CPAMD8: variants seen among roughly 807,000 people sequenced by gnomAD.
CPAMD8 encodes C3 and PZP-like alpha-2-macroglobulin domain-containing protein 8.
In CPAMD8, 146 loss-of-function variants were observed where a neutral mutation model predicts 224.7. The ratio of observed to expected loss-of-function variants is 0.65; its 90% confidence interval spans 0.57 to 0.75. The LOEUF (loss-of-function observed/expected upper bound fraction) is 0.75. Ranked by LOEUF, CPAMD8 falls within the 30% of genes least tolerant of loss-of-function variation. The pLI is 0.00. For synonymous variants in CPAMD8, 966 were observed against 1,044.6 expected (o/e 0.92, Z 1.45); for missense variants, 2,301 against 2,537.5 (o/e 0.91, Z 2.00).
At position 16,899,615 on chromosome 19, in the gene CPAMD8, G is replaced by A. The variant is rs998193391; in HGVS notation, c.4774-66C>T. 1.2e-6 allele frequency: 1 copy of A among 819,778 alleles called. No homozygotes were observed. Among genetic ancestry groups the A allele is most frequent in the South Asian group, 1.3e-5 (1 of 74,616 alleles). 50.8% of individuals were successfully genotyped at this position (819,778 alleles called of 1,614,324 possible). A position where few individuals can be genotyped will look rare whatever the true frequency, so the allele number is the denominator to read the frequency against. On this transcript the variant is annotated intron_variant, in intron 36 of 41. Transcript: ENST00000443236. The surrounding 1 kb of genome is among the most constrained non-coding windows in gnomAD (Gnocchi z 5.4). ...CTTGCTTCCTCTCCCATCCCCTGGG[G>A]GCAGTGGTCAGTGGGATGCTTGGAC...
At chr19:16,901,090 AAAG>A in intron 36 of CPAMD8, 117 bp downstream of exon 36, 1 of 615,800 alleles carries the variant, frequency 1.6e-6, no homozygotes, top group South Asian at 2.1e-5. Context: ...AGAGGGAAGA[AAAG>A]AATACCCATA....
At chr19:17,024,718 G>A (rs1184185050) in intron 1 of CPAMD8, among the ~76,000 whole-genome samples, 2 of 152,212 alleles carry the variant, frequency 1.3e-5, no homozygotes, top group African/African-American at 4.8e-5. Flanking sequence ...GCCATTCACT[G>A]TCACACCTGA....
At chr19:16,979,000 TCATC>T (rs949668205) in intron 14 of CPAMD8, among the ~76,000 whole-genome samples, 2 of 146,666 alleles carry the variant, frequency 1.4e-5, no homozygotes, top group African/African-American at 5.2e-5. Flanking sequence ...ATCCATCTGT[TCATC>T]CATCCATCTG....
intron 25 of CPAMD8, among the ~76,000 whole-genome samples, chr19:16,925,656 T>C (rs2053333273): frequency 6.6e-6 from 1 of 152,244 alleles, no homozygotes; most frequent in African/African-American, 2.4e-5. Context: ...AATAGGTGCA[T>C]TGAAAGCTAT....
At chr19:16,982,815 G>A (rs540929916) in intron 13 of CPAMD8, among the ~76,000 whole-genome samples, 6 of 152,202 alleles carry the variant, frequency 3.9e-5, no homozygotes, top group South Asian at 2.1e-4. Context: ...CTCCAGCCTC[G>A]GGTGCTATGG....
chr19:16,922,819 C>T (rs1355564240), intron 26 of CPAMD8, among the ~76,000 whole-genome samples: 1 of 152,090 alleles, frequency 6.6e-6, no homozygotes, highest in African/African-American at 2.4e-5. Context: ...CACATCACAT[C>T]GGGGATCCCT....
In CPAMD8 at chr19:16,916,889, C is replaced by T. The variant is rs2144857087; in HGVS notation, c.3630-2076G>A. On this transcript the variant is annotated intron_variant, in intron 27 of 41. Transcript: ENST00000443236. ...ATTAGCCAGGAGACCCCATGGCTCC[C>T]AGGCTCATCCCCACCCCATTACCAG... is the stretch of plus-strand genomic sequence containing the variant. Among the ~76,000 whole-genome samples the T allele has an allele frequency of 1.3e-5, 2 of 152,322 alleles. 1 individual carries two copies. The highest frequency in any genetic ancestry group is 3.9e-4 in the East Asian group (2 of 5,188).
chr19:16,921,583 G>A (rs572840044), intron 27 of CPAMD8, among the ~76,000 whole-genome samples: 2 of 152,106 alleles, frequency 1.3e-5, no homozygotes, highest in South Asian at 2.1e-4. Context: ...TCCAGTCACC[G>A]CTATTCCTGA....
chr19:16,904,138 G>T, intron 32 of CPAMD8, 88 bp downstream of exon 32: 1 of 1,404,576 alleles, frequency 7.1e-7, no homozygotes, highest in East Asian at 2.5e-5. Flanking sequence ...GGGCCAGACT[G>T]CCTGGCCACC....
chr19:16,895,909 A>G (rs776779894), intron 41 of CPAMD8: 16 of 570,658 alleles, frequency 2.8e-5, no homozygotes, highest in East Asian at 6.9e-5. Context: ...GCACGCACAC[A>G]CACACACACA....
intron 13 of CPAMD8, among the ~76,000 whole-genome samples, chr19:16,986,212 G>C (rs1268116009): frequency 6.6e-6 from 1 of 152,032 alleles, no homozygotes; most frequent in South Asian, 2.1e-4. Flanking sequence ...AGAGGAAGAG[G>C]TCCCTGCACC....
chr19:17,026,797 C>T lies in CPAMD8; in HGVS notation c.-155G>A, dbSNP rs1265466483. On this transcript the variant is annotated 5_prime_UTR_variant, in exon 1 of 42. Coordinates refer to ENST00000443236, the MANE Select transcript of CPAMD8 (RefSeq NM_015692.5). Reference sequence around the variant, plus strand: ...GCCCGGCGCCATGCGCCCCGCTCCGCGCCCGGCCAAGCTGGGGCAGCCCCG... The same window carrying T: ...GCCCGGCGCCATGCGCCCCGCTCCGTGCCCGGCCAAGCTGGGGCAGCCCCG... 4.6e-6 allele frequency: 5 copies of T among 1,089,976 alleles called. No homozygotes were observed. The highest frequency in any genetic ancestry group is 5.6e-6 in the Non-Finnish European group (5 of 899,002). The allele number at this position is 1,089,976 out of a possible 1,614,324, so 67.5% of individuals were successfully genotyped here.
At chr19:16,895,903 G>GCGCACA (rs755564239) in intron 41 of CPAMD8, 4 of 524,812 alleles carry the variant, frequency 7.6e-6, no homozygotes, top group Non-Finnish European at 1.1e-5. Flanking sequence ...GCGCGCGCAC[G>GCGCACA]CACACACACA....
At chr19:16,947,803 C>G (rs375353861) in intron 20 of CPAMD8, among the ~76,000 whole-genome samples, 3 of 152,054 alleles carry the variant, frequency 2.0e-5, no homozygotes, top group Non-Finnish European at 4.4e-5. Context: ...TGTGCATCTA[C>G]CGGGTGAAGG....
At position 17,010,794 on chromosome 19, in the gene CPAMD8, G is replaced by A. The variant is rs184616836; in HGVS notation, c.486+670C>T. Among the ~76,000 whole-genome samples the A allele has an allele frequency of 5.9e-4, 90 of 152,114 alleles. 4 individuals are homozygous for A. The East Asian group carries it at 0.01, about 17-fold the overall frequency. ...TCCTAGCACTTTAGGAGGCTGAGGC[G>A]GGTGTATCACCTGAGGTCAGGAGTT... On this transcript the variant is annotated intron_variant, in intron 5 of 41. Coordinates refer to ENST00000443236, the MANE Select transcript of CPAMD8 (RefSeq NM_015692.5).
Position 16,950,832 on chromosome 19 carries a change from G to C in CPAMD8, c.2508+1137C>G, listed in dbSNP as rs1409522512. Among the ~76,000 whole-genome samples, 4 of 141,574 alleles carry C rather than the reference G, an allele frequency of 2.8e-5. No individual in the cohort carries two copies. In the Admixed American group the frequency reaches 2.9e-4, roughly 10 times the overall value. 92.9% of individuals were successfully genotyped at this position (141,574 alleles called of 152,430 possible). On this transcript the variant is annotated intron_variant, in intron 20 of 41. Coordinates refer to ENST00000443236, the MANE Select transcript of CPAMD8 (RefSeq NM_015692.5). The stretch of plus-strand genomic sequence containing the variant: ...AAAAAAAAAGAGAAAGAGAGAGAAA[G>C]AAAGGCATAGACAGATTCTCCCTCA...
At chr19:16,957,595 A>C in intron 19 of CPAMD8, 1 of 459,480 alleles carries the variant, frequency 2.2e-6, no homozygotes, top group South Asian at 3.1e-5. Flanking sequence ...CAAACAGAGC[A>C]GATAGAGTAA....
chr19:17,003,828 C>T (rs2056406110), intron 8 of CPAMD8, among the ~76,000 whole-genome samples: 1 of 151,370 alleles, frequency 6.6e-6, no homozygotes, highest in Non-Finnish European at 1.5e-5. Context: ...AAACTATACC[C>T]AGCCATCATG....
At chr19:16,964,887 C>T (rs1420389680) in intron 18 of CPAMD8, among the ~76,000 whole-genome samples, 2 of 152,122 alleles carry the variant, frequency 1.3e-5, no homozygotes, top group Non-Finnish European at 2.9e-5. Context: ...CCTGGTTCAA[C>T]GTACACAAAT....
Sources: gnomAD v4.1 joint callset for allele counts (sites outside exome capture counted in the v4.1 genomes callset) on GRCh38, gnomAD v4.1.1 for gene constraint, Gnocchi (gnomAD v3.1) non-coding constraint, MANE v1.5 for transcripts, NCBI Gene and HGNC (gene_info 2026-07-23, HGNC 2026-07-21) for gene names.